ERGIC1: variants seen among roughly 807,000 people sequenced by gnomAD.
ERGIC1 encodes the protein endoplasmic reticulum-golgi intermediate compartment 1.
In ERGIC1, 19 loss-of-function variants were observed where a neutral mutation model predicts 38.3. The observed-to-expected ratio is 0.50, with a 90% CI of 0.35 to 0.73. ERGIC1 has a LOEUF of 0.73. ERGIC1 is among the 30% of genes least tolerant of loss of function. The pLI is 0.01. For missense variants in ERGIC1, 294 were observed against 389.2 expected (o/e 0.76, Z 2.06); for synonymous variants, 124 against 157.6 (o/e 0.79, Z 1.60).
At chr5:172,836,075 T>C (rs1295852629) in intron 1 of ERGIC1, among the ~76,000 whole-genome samples, 1 of 152,188 alleles carries the variant, frequency 6.6e-6, no homozygotes, top group Admixed American at 6.5e-5. Context: ...CTGTTTTTGA[T>C]CTTTTAATCC....
At chr5:172,908,371 G>T (rs1229374317) in intron 3 of ERGIC1, among the ~76,000 whole-genome samples, 1 of 132,766 alleles carries the variant, frequency 7.5e-6, no homozygotes, top group African/African-American at 2.8e-5. Flanking sequence ...GAGGTCAGGA[G>T]TTCGGGACCA....
chr5:172,851,407 G>T (rs950072202), intron 1 of ERGIC1, among the ~76,000 whole-genome samples: 5 of 151,908 alleles, frequency 3.3e-5, no homozygotes. Context: ...TACTCAGGAG[G>T]CTGAGACAGG....
chr5:172,949,963 C>T (rs1301084748), intron 9 of ERGIC1, among the ~76,000 whole-genome samples: 1 of 152,136 alleles, frequency 6.6e-6, no homozygotes, highest in Admixed American at 6.6e-5. Flanking sequence ...GTCCCAGCTA[C>T]TCGGGAGGCT....
chr5:172,847,402 C>T (rs1761305229), intron 1 of ERGIC1, among the ~76,000 whole-genome samples: 3 of 152,310 alleles, frequency 2.0e-5, no homozygotes, highest in South Asian at 4.1e-4. Flanking sequence ...TGTTAATAAG[C>T]ATGTCTCTAC....
At chr5:172,894,664 T>C (rs1441253290) in intron 2 of ERGIC1, among the ~76,000 whole-genome samples, 2 of 152,186 alleles carry the variant, frequency 1.3e-5, no homozygotes, top group African/African-American at 4.8e-5. Context: ...TGGCTTCCAG[T>C]CCTGCCTCTC....
chr5:172,866,990 GA>G (rs1182401267), intron 1 of ERGIC1: 1 of 352,520 alleles, frequency 2.8e-6, no homozygotes, highest in South Asian at 2.1e-5. Context: ...AATGAAAGGG[GA>G]TGCAGATGGA....
At chr5:172,856,862 T>G (rs1409668309) in intron 1 of ERGIC1, among the ~76,000 whole-genome samples, 1 of 152,162 alleles carries the variant, frequency 6.6e-6, no homozygotes, top group Non-Finnish European at 1.5e-5. Flanking sequence ...GTATCCCTAT[T>G]TATGAGGTGG....
At chr5:172,891,278 T>C (rs1762551735) in intron 2 of ERGIC1, among the ~76,000 whole-genome samples, 1 of 152,164 alleles carries the variant, frequency 6.6e-6, no homozygotes, top group African/African-American at 2.4e-5. Context: ...TGGTAGTTTA[T>C]GAACCTGATC....
intron 1 of ERGIC1, among the ~76,000 whole-genome samples, chr5:172,857,588 G>GCC (rs57477954): frequency 3.0e-5 from 4 of 132,610 alleles, no homozygotes; most frequent in Admixed American, 1.7e-4. Flanking sequence ...TAATAATGGT[G>GCC]CCCCCCCCAC....
At chr5:172,852,038 G>A (rs985955743) in intron 1 of ERGIC1, among the ~76,000 whole-genome samples, 5 of 151,454 alleles carry the variant, frequency 3.3e-5, no homozygotes, top group African/African-American at 1.2e-4. Flanking sequence ...GGACTCTGAC[G>A]GTGATCAGGC....
intron 1 of ERGIC1, among the ~76,000 whole-genome samples, chr5:172,884,503 C>T (rs1439206428): frequency 6.6e-6 from 1 of 152,196 alleles, no homozygotes; most frequent in Non-Finnish European, 1.5e-5. Flanking sequence ...GATCCCCCCA[C>T]CTGGGCCTCC....
At chr5:172,908,616 G>A (rs1231250404) in intron 3 of ERGIC1, among the ~76,000 whole-genome samples, 1 of 151,980 alleles carries the variant, frequency 6.6e-6, no homozygotes, top group Non-Finnish European at 1.5e-5. Flanking sequence ...AGAGAAGGGG[G>A]AAGCTGCTGG....
intron 3 of ERGIC1, chr5:172,898,174 T>A (rs772487126): frequency 9.6e-6 from 3 of 312,224 alleles, no homozygotes; most frequent in Non-Finnish European, 1.7e-5. Flanking sequence ...ATGGGATTTC[T>A]TGGTTTCCTT....
At chr5:172,888,901 C>G (rs375008849) in intron 2 of ERGIC1, 141 bp downstream of exon 2, 6 of 793,156 alleles carry the variant, frequency 7.6e-6, no homozygotes, top group Non-Finnish European at 6.6e-6. Context: ...TTGCGGGGGC[C>G]CTTCAAGCAT....
In ERGIC1 at chr5:172,950,750, C is replaced by T. The variant is rs201652253; in HGVS notation, c.807C>T (p.Ile269=). ...IIGGTFTVAG[I]LDSCIFTASE... ...GCGGGACCTTCACCGTCGCCGGCAT[C>T]CTGGACTCATGCATCTTCACAGCCT... Residue 269 remains isoleucine, a synonymous_variant, in exon 10 of 10, where the codon ATC becomes ATT. Coordinates refer to ENST00000393784, the MANE Select transcript of ERGIC1 (RefSeq NM_001031711.3). 5.6e-6 allele frequency: 9 copies of T among 1,613,398 alleles called. No individual in the cohort carries two copies. In the Admixed American group the frequency reaches 1.2e-4, roughly 21 times the overall value.
At chr5:172,924,319 A>G (rs554042356) in intron 6 of ERGIC1, among the ~76,000 whole-genome samples, 1 of 152,352 alleles carries the variant, frequency 6.6e-6, no homozygotes, top group East Asian at 1.9e-4. Flanking sequence ...CCCCTCTCCT[A>G]GAGCGCCCAG....
chr5:172,884,645 AT>A (rs1762374513), intron 1 of ERGIC1, among the ~76,000 whole-genome samples: 1 of 151,902 alleles, frequency 6.6e-6, no homozygotes, highest in South Asian at 2.1e-4. Flanking sequence ...CCCATCTTGT[AT>A]TTTTCCTGCC....
At chr5:172,857,588 G>GC (rs57477954) in intron 1 of ERGIC1, among the ~76,000 whole-genome samples, 6 of 132,610 alleles carry the variant, frequency 4.5e-5, no homozygotes, top group African/African-American at 1.7e-4. Context: ...TAATAATGGT[G>GC]CCCCCCCCAC....
chr5:172,897,443 A>AAAAAAG (rs780361647), intron 3 of ERGIC1, among the ~76,000 whole-genome samples: 5 of 142,414 alleles, frequency 3.5e-5, no homozygotes, highest in African/African-American at 1.1e-4. Context: ...AAAAAAAAAA[A>AAAAAAG]AGAGAGAGAG....
Sources: allele counts gnomAD v4.1 joint callset (sites outside exome capture counted in the v4.1 genomes callset), GRCh38; gene constraint gnomAD v4.1.1; transcripts MANE v1.5; gene names NCBI Gene and HGNC (gene_info 2026-07-23, HGNC 2026-07-21).